The following TRIM14 variants were observed in gnomAD, a reference collection of about 807,000 sequenced individuals.
The protein encoded by TRIM14 is tripartite motif containing 14, also known as tripartite motif-containing protein 14.
Under a neutral mutation model 44.5 loss-of-function variants are expected in TRIM14, and 28 were observed. That is an observed-to-expected ratio of 0.63 (90% CI 0.47 to 0.86). The LOEUF is 0.86. Ranked by LOEUF, TRIM14 falls within the 40% of genes least tolerant of loss-of-function variation. The probability of loss-of-function intolerance (pLI) is 0.00; values close to 1 mark genes in which losing one functional copy is unlikely to be tolerated. For missense variants in TRIM14, 607 were observed against 611.1 expected (o/e 0.99, Z 0.07); for synonymous variants, 299 against 269.2 (o/e 1.11, Z -1.08).
intron 2 of TRIM14, among the ~76,000 whole-genome samples, chr9:98,108,090 T>C (rs1449174075): frequency 6.6e-6 from 1 of 151,886 alleles, no homozygotes; most frequent in Non-Finnish European, 1.5e-5. Context: ...CCTTTTTTTT[T>C]TTTTTTTTGG....
rs558984297 is a variant in TRIM14 at position 98,095,565 on chromosome 9, G to T, written c.538-536C>A. On this transcript the variant is annotated intron_variant, in intron 3 of 5. Coordinates refer to ENST00000341469, the MANE Select transcript of TRIM14 (RefSeq NM_014788.4). This position sits in a 1 kb window ranked among gnomAD's most constrained non-coding sequence, Gnocchi z 4.1. ...TGCTGACTGAGGGGGTGTGGCCACC[G>T]CAGGGGACATGTGTCCTGTTTTGCA... is the stretch of plus-strand genomic sequence containing the variant. Among the ~76,000 whole-genome samples, 1 of 152,198 alleles carries T rather than the reference G, an allele frequency of 6.6e-6. No individual in the cohort carries two copies. Among genetic ancestry groups the T allele is most frequent in the Non-Finnish European group, 1.5e-5 (1 of 68,038 alleles).
At chr9:98,070,957 C>T (rs1480427575) in intron 6 of TRIM14, among the ~76,000 whole-genome samples, 1 of 151,492 alleles carries the variant, frequency 6.6e-6, no homozygotes, top group African/African-American at 2.4e-5. Context: ...GACTACAGGT[C>T]CATGCCACCA....
At chr9:98,049,609 A>G in the TRIM14 span, among the ~76,000 whole-genome samples, 2 of 152,252 alleles carry the variant, frequency 1.3e-5, no homozygotes, top group South Asian at 2.1e-4. Context: ...ATGCTAATAC[A>G]TTATAATTAG....
chr9:98,100,983 T>C (rs1183758546), intron 2 of TRIM14, among the ~76,000 whole-genome samples: 1 of 152,160 alleles, frequency 6.6e-6, no homozygotes, highest in Non-Finnish European at 1.5e-5. Flanking sequence ...TTTATTTATT[T>C]ATTTTTATTT....
At chr9:98,072,466 C>T in intron 6 of TRIM14, among the ~76,000 whole-genome samples, 1 of 150,566 alleles carries the variant, frequency 6.6e-6, no homozygotes, top group South Asian at 2.1e-4. Context: ...AGCTGGAGTG[C>T]AGTTGCGCAA....
chr9:98,061,154 C>A, the TRIM14 span: 1 of 672,152 alleles, frequency 1.5e-6, no homozygotes, highest in Non-Finnish European at 2.5e-6. Context: ...CAGTGAGAAT[C>A]TGTGGGAAGG....
downstream of TRIM14, among the ~76,000 whole-genome samples, chr9:98,084,061 G>C (rs560930895): frequency 3.3e-5 from 5 of 152,166 alleles, no homozygotes; most frequent in Non-Finnish European, 7.3e-5. Context: ...TGGGTGCTAG[G>C]GACTTGAAGC....
downstream of TRIM14, chr9:98,081,515 G>T: frequency 6.0e-6 from 1 of 166,792 alleles, no homozygotes; most frequent in Non-Finnish European, 1.3e-5. Flanking sequence ...CTAAGCCAGG[G>T]TGGCACTGGT....
downstream of TRIM14, among the ~76,000 whole-genome samples, chr9:98,066,613 A>G (rs1458358443): frequency 6.6e-6 from 1 of 151,920 alleles, no homozygotes; most frequent in East Asian, 1.9e-4. Flanking sequence ...AGCACTCCTC[A>G]ATTGCCCCAA....
chr9:98,103,393 G>A (rs1451543852), intron 2 of TRIM14, among the ~76,000 whole-genome samples: 1 of 152,182 alleles, frequency 6.6e-6, no homozygotes, highest in Non-Finnish European at 1.5e-5. Context: ...CAATTAAAAT[G>A]TTTGTTAGTA....
chr9:98,091,880 C>T (rs748428523), intron 5 of TRIM14, 29 bp downstream of exon 5: 5 of 1,523,526 alleles, frequency 3.3e-6, no homozygotes, highest in Non-Finnish European at 4.4e-6. Context: ...CCACCGTCTC[C>T]ACCCTATCCC....
rs1827158349 is a variant in TRIM14, at chr9:98,119,090, CT to C, written c.98del (p.Glu33GlyfsTer44). The C allele has an allele frequency of 6.3e-7, 1 of 1,586,486 alleles. No homozygotes were observed. The highest frequency in any genetic ancestry group is 1.4e-5 in the African/African-American group (1 of 72,732). ...AGCGGCGGCAGCGGCGACAGAAGAG[CT>C]CAGCCACGCGGTCGCCATGCTCCGG... The part of the protein sequence containing the change: ...RCPEHGDRVA[E>X]LFCRRCRRCV... On this transcript the variant is annotated frameshift_variant, in exon 1 of 6. Transcript: ENST00000341469. LOFTEE classifies it high-confidence loss of function.
chr9:98,060,720 AT>A, the TRIM14 span: 1 of 1,509,444 alleles, frequency 6.6e-7, no homozygotes. Flanking sequence ...TTGCTCCAGA[AT>A]TTTTTCCTTT....
intron 6 of TRIM14, among the ~76,000 whole-genome samples, chr9:98,077,336 G>A (rs1807849758): frequency 6.6e-6 from 1 of 150,982 alleles, no homozygotes; most frequent in Non-Finnish European, 1.5e-5. Flanking sequence ...TTAAGAATAT[G>A]ACAGTTTTTA....
chr9:98,070,414 A>G (rs370267603), intron 6 of TRIM14, among the ~76,000 whole-genome samples: 299 of 150,536 alleles, frequency 2.0e-3, no homozygotes, highest in African/African-American at 7.0e-3. Context: ...CACCGTGCCC[A>G]GCTTTCATTT....
chr9:98,096,083 G>A (rs1269443103), intron 3 of TRIM14, among the ~76,000 whole-genome samples: 3 of 152,204 alleles, frequency 2.0e-5, no homozygotes, highest in Admixed American at 6.5e-5. Flanking sequence ...AGGTGATCAG[G>A]CTTGGCTGGC....
At chr9:98,077,665 G>A (rs548989026) in intron 6 of TRIM14, among the ~76,000 whole-genome samples, 43 of 152,278 alleles carry the variant, frequency 2.8e-4, no homozygotes, top group Admixed American at 2.6e-3. Context: ...GGACATGATC[G>A]TGTAAAGTGG....
chr9:98,041,413 G>A, the TRIM14 span, among the ~76,000 whole-genome samples: 5 of 150,772 alleles, frequency 3.3e-5, no homozygotes, highest in Non-Finnish European at 5.9e-5. Flanking sequence ...CTCAAACTCC[G>A]ACCTCAGGTA....
rs1825805853 is a variant in TRIM14, at chr9:98,087,216, G to A, written c.*254C>T. On this transcript the variant is annotated 3_prime_UTR_variant, in exon 6 of 6. Coordinates refer to ENST00000341469, the MANE Select transcript of TRIM14 (RefSeq NM_014788.4). The stretch of plus-strand genomic sequence containing the variant: ...ACTTTGAAGGAACTGGATTAAAGTA[G>A]TGTAAGTGATGGTGGGGTGAGGGTG... 3.9e-6 allele frequency: 3 copies of A among 768,314 alleles called. No individual in the cohort carries two copies. Among genetic ancestry groups the A allele is most frequent in the Admixed American group, 3.4e-5 (2 of 58,324 alleles). 47.6% of individuals were successfully genotyped at this position (768,314 alleles called of 1,614,324 possible).
Sources: gnomAD v4.1 joint callset for allele counts (sites outside exome capture counted in the v4.1 genomes callset) on GRCh38, gnomAD v4.1.1 for gene constraint, Gnocchi (gnomAD v3.1) non-coding constraint, MANE v1.5 for transcripts, NCBI Gene and HGNC (gene_info 2026-07-23, HGNC 2026-07-21) for gene names.